The following GALNT2 variants were observed in gnomAD, a reference collection of about 807,000 sequenced individuals.
GALNT2 encodes polypeptide N-acetylgalactosaminyltransferase 2.
Under a neutral mutation model 81.4 loss-of-function variants are expected in GALNT2, and 31 were observed. The observed-to-expected ratio is 0.38, with a 90% CI of 0.29 to 0.51. The LOEUF (loss-of-function observed/expected upper bound fraction) is 0.51, where lower values mean the gene tolerates loss of function less well. Among genes scored for constraint, GALNT2 ranks in the 20% least tolerant of loss-of-function variants. The probability of loss-of-function intolerance (pLI) is 0.87; values close to 1 mark genes in which losing one functional copy is unlikely to be tolerated. For synonymous variants in GALNT2, 303 were observed against 287.4 expected (o/e 1.05, Z -0.55); for missense variants, 629 against 765.7 (o/e 0.82, Z 2.11).
intron 3 of GALNT2, among the ~76,000 whole-genome samples, chr1:230,223,930 G>T (rs1664631189): frequency 1.3e-5 from 2 of 152,222 alleles, no homozygotes; most frequent in Admixed American, 1.3e-4. Context: ...CCATTATCTG[G>T]CCCAGCTTTT....
At chr1:230,208,888 C>T (rs1232636888) in intron 3 of GALNT2, among the ~76,000 whole-genome samples, 2 of 151,842 alleles carry the variant, frequency 1.3e-5, no homozygotes, top group Non-Finnish European at 2.9e-5. Context: ...GTTAGAATAC[C>T]CGTGGGGTGC....
intron 1 of GALNT2, among the ~76,000 whole-genome samples, chr1:230,151,951 A>G (rs1662106284): frequency 6.6e-6 from 1 of 152,176 alleles, no homozygotes; most frequent in Non-Finnish European, 1.5e-5. Flanking sequence ...TGACATTGCC[A>G]TGGCATTTGT....
At chr1:230,252,928 C>T (rs932775165) in intron 10 of GALNT2, among the ~76,000 whole-genome samples, 3 of 144,824 alleles carry the variant, frequency 2.1e-5, no homozygotes, top group South Asian at 2.2e-4. Context: ...CTCACCGCAA[C>T]GTTCGCCTCC....
intron 1 of GALNT2, among the ~76,000 whole-genome samples, chr1:230,134,166 T>C (rs1431284074): frequency 6.6e-6 from 1 of 150,662 alleles, no homozygotes; most frequent in Non-Finnish European, 1.5e-5. Flanking sequence ...TGGAATGCAG[T>C]GGCGCAATCT....
At chr1:230,174,813 T>C (rs1204938016) in intron 1 of GALNT2, among the ~76,000 whole-genome samples, 4 of 152,200 alleles carry the variant, frequency 2.6e-5, no homozygotes, top group Non-Finnish European at 5.9e-5. Flanking sequence ...ATCCTGCCGC[T>C]TCCGTGCCCT....
intron 8 of GALNT2, among the ~76,000 whole-genome samples, 191 bp from the exon 9 acceptor site, chr1:230,248,993 G>A (rs954748362): frequency 2.0e-5 from 3 of 152,056 alleles, no homozygotes; most frequent in East Asian, 1.9e-4. Context: ...CCTCACTGCC[G>A]GTCTCTCTCT....
chr1:230,110,571 C>CTCTT (rs1163278676), intron 1 of GALNT2, among the ~76,000 whole-genome samples: 3 of 152,128 alleles, frequency 2.0e-5, no homozygotes, highest in Admixed American at 2.0e-4. Context: ...TTAATGTAAC[C>CTCTT]AGAACACTTA....
chr1:230,219,156 T>C (rs749243337), intron 3 of GALNT2, among the ~76,000 whole-genome samples: 18 of 152,266 alleles, frequency 1.2e-4, no homozygotes, highest in Non-Finnish European at 2.4e-4. Context: ...GTTTGTTATC[T>C]GTTGCCTCTT....
In GALNT2 at chr1:230,278,112, CTTT is replaced by C. The variant is rs34767763; in HGVS notation, c.1561-1176_1561-1174del. On this transcript the variant is annotated intron_variant, in intron 15 of 15. Transcript: ENST00000366672. ...AAGGGGGATTTTTCTGTTTTTCTTT[CTTT>C]TTTTTTTTTTTTTTAAGAGACAGGA... is the stretch of plus-strand genomic sequence containing the variant. Among the ~76,000 whole-genome samples the C allele has an allele frequency of 5.8e-5, 7 of 121,174 alleles. No individual in the cohort carries two copies. The Admixed American group carries it at 5.9e-4, about 10-fold the overall frequency. The allele number at this position is 121,174 out of a possible 152,430, so 79.5% of individuals were successfully genotyped here.
At chr1:230,092,192 T>TTTTTTGTTTTTTG (rs1660111871) in intron 1 of GALNT2, among the ~76,000 whole-genome samples, 3 of 149,624 alleles carry the variant, frequency 2.0e-5, no homozygotes, top group Non-Finnish European at 4.4e-5. Flanking sequence ...TTTTTTTTTT[T>TTTTTTGTTTTTTG]TTTTGCACTG....
At chr1:230,273,768 A>C (rs1666212572) in intron 14 of GALNT2, among the ~76,000 whole-genome samples, 1 of 152,234 alleles carries the variant, frequency 6.6e-6, no homozygotes, top group African/African-American at 2.4e-5. Flanking sequence ...GAGAATAATA[A>C]TAGCCCTCAT....
chr1:230,068,666 C>T (rs975237480), intron 1 of GALNT2, among the ~76,000 whole-genome samples: 3 of 152,094 alleles, frequency 2.0e-5, no homozygotes, highest in Non-Finnish European at 4.4e-5. Context: ...TTCTTTGCTT[C>T]ATTCATTCAT....
intron 2 of GALNT2, among the ~76,000 whole-genome samples, chr1:230,201,542 A>G (rs530837733): frequency 7.4e-4 from 112 of 152,302 alleles, no homozygotes; most frequent in Non-Finnish European, 1.3e-3. Context: ...TTCTGTTGGG[A>G]AAGTAGATAT....
At chr1:230,198,231 G>A (rs1256145014) in intron 2 of GALNT2, among the ~76,000 whole-genome samples, 1 of 152,240 alleles carries the variant, frequency 6.6e-6, no homozygotes, top group African/African-American at 2.4e-5. Context: ...GGTGCTGCGG[G>A]CGAGGCTGAG....
intron 1 of GALNT2, among the ~76,000 whole-genome samples, chr1:230,139,415 C>G (rs1490604898): frequency 1.3e-5 from 2 of 152,336 alleles, no homozygotes; most frequent in Non-Finnish European, 1.5e-5. Flanking sequence ...CAAGACCCCT[C>G]TTCTAGGCTA....
At chr1:230,146,715 T>A (rs539569123) in intron 1 of GALNT2, among the ~76,000 whole-genome samples, 17 of 152,150 alleles carry the variant, frequency 1.1e-4, no homozygotes, top group Admixed American at 1.0e-3. Context: ...TGGCCCAGGT[T>A]GCAGGGGGAG....
intron 1 of GALNT2, among the ~76,000 whole-genome samples, chr1:230,136,044 A>G (rs535513116): frequency 6.6e-6 from 1 of 152,090 alleles, no homozygotes; most frequent in Non-Finnish European, 1.5e-5. Context: ...TGAGGATAAA[A>G]GGATATATTC....
At position 230,236,374 on chromosome 1, in the gene GALNT2, C is replaced by T. The variant is rs908929260; in HGVS notation, c.495C>T (p.Pro165=). Residue 165 remains proline, a synonymous_variant, in exon 5 of 16, where the codon CCC becomes CCT. Coordinates refer to ENST00000366672, the MANE Select transcript of GALNT2 (RefSeq NM_004481.5). ...TVVSVLKKSP[P]HLIKEIILVD... ...TTAGCGTGCTTAAGAAAAGCCCGCC[C>T]CATCTCATAAAAGAAATCATCTTGG... is the stretch of plus-strand genomic sequence containing the variant. The T allele has an allele frequency of 6.2e-7, 1 of 1,614,092 alleles. No individual in the cohort carries two copies.
chr1:230,111,425 T>G (rs950918559), intron 1 of GALNT2, among the ~76,000 whole-genome samples: 19 of 152,204 alleles, frequency 1.2e-4, no homozygotes, highest in Non-Finnish European at 2.2e-4. Flanking sequence ...CACATGTGTA[T>G]TTACCTACAT....
Sources: allele counts gnomAD v4.1 joint callset (sites outside exome capture counted in the v4.1 genomes callset), GRCh38; gene constraint gnomAD v4.1.1; transcripts MANE v1.5; gene names NCBI Gene and HGNC (gene_info 2026-07-23, HGNC 2026-07-21).